Variants in CFAP92 observed in about 807,000 individuals in gnomAD.
CFAP92 encodes uncharacterized protein CFAP92.
A neutral mutation model predicts 106.3 loss-of-function variants in CFAP92; 86 were observed. The ratio of observed to expected loss-of-function variants is 0.81; its 90% CI spans 0.68 to 0.97. The LOEUF (loss-of-function observed/expected upper bound fraction) is 0.97. Among genes scored for constraint, CFAP92 ranks in the 50% least tolerant of loss-of-function variants. CFAP92 has a pLI of 0.00. For missense variants in CFAP92, 1,204 were observed against 1,283.8 expected (o/e 0.94, Z 0.95); for synonymous variants, 477 against 506.4 (o/e 0.94, Z 0.78).
At chr3:128,956,544 CAAAG>C (rs931057423) in intron 9 of CFAP92, among the ~76,000 whole-genome samples, 7 of 151,672 alleles carry the variant, frequency 4.6e-5, no homozygotes, top group Admixed American at 6.6e-5. Context: ...AAATTAATGA[CAAAG>C]AAAGAAAATC....
the CFAP92 span, among the ~76,000 whole-genome samples, chr3:129,026,084 C>T: frequency 6.6e-6 from 1 of 152,246 alleles, no homozygotes; most frequent in Non-Finnish European, 1.5e-5. Context: ...AATGACCTTA[C>T]CTGTTATAGG....
intron 4 of CFAP92, among the ~76,000 whole-genome samples, chr3:128,982,147 A>G (rs1943575895): frequency 1.3e-5 from 2 of 152,258 alleles, no homozygotes; most frequent in African/African-American, 4.8e-5. Flanking sequence ...AGCTTCTTCC[A>G]GTAGAAGGCT....
intron 9 of CFAP92, among the ~76,000 whole-genome samples, chr3:128,960,411 C>G (rs1232548412): frequency 1.3e-5 from 2 of 152,252 alleles, no homozygotes; most frequent in Non-Finnish European, 2.9e-5. Flanking sequence ...TAAGCGGCCT[C>G]TTTTGACTCT....
intron 12 of CFAP92, among the ~76,000 whole-genome samples, chr3:128,928,673 G>T (rs975653236): frequency 2.0e-5 from 3 of 152,214 alleles, no homozygotes; most frequent in African/African-American, 4.8e-5. Flanking sequence ...AGATCTAAAT[G>T]TGAGAGCTAA....
At chr3:128,999,637 C>A (rs909997145) in intron 1 of CFAP92, among the ~76,000 whole-genome samples, 4 of 143,516 alleles carry the variant, frequency 2.8e-5, no homozygotes, top group Non-Finnish European at 6.0e-5. Context: ...CTCCCAGGTT[C>A]AAGCGATTCA....
intron 4 of CFAP92, among the ~76,000 whole-genome samples, chr3:128,982,737 A>G (rs996147628): frequency 1.3e-5 from 2 of 152,050 alleles, no homozygotes; most frequent in African/African-American, 4.8e-5. Context: ...TTATTAATTG[A>G]CCTAATTTTG....
At chr3:128,961,573 A>G (rs1158373459) in intron 9 of CFAP92, among the ~76,000 whole-genome samples, 1 of 152,192 alleles carries the variant, frequency 6.6e-6, no homozygotes, top group Admixed American at 6.5e-5. Context: ...AGCTGAAGGC[A>G]TAGTCAAGGT....
At chr3:129,001,915 C>A (rs1490090860) in intron 1 of CFAP92, 1 of 1,538,902 alleles carries the variant, frequency 6.5e-7, no homozygotes, top group Non-Finnish European at 8.8e-7. Flanking sequence ...GCCACCACGG[C>A]CGGGCAGGCA....
intron 10 of CFAP92, among the ~76,000 whole-genome samples, chr3:128,941,518 C>T (rs1939630608): frequency 6.6e-6 from 1 of 152,112 alleles, no homozygotes; most frequent in African/African-American, 2.4e-5. Flanking sequence ...ACTCTGTTGT[C>T]CAGATTGGAG....
At chr3:129,003,895 G>T (rs1418627671), upstream of CFAP92, 1 of 1,377,354 alleles carries the variant, frequency 7.3e-7, no homozygotes, top group South Asian at 1.6e-5. Flanking sequence ...CCCTGGCTGC[G>T]GCGGAGGCCC....
chr3:128,944,566 G>T (rs1940016836), intron 10 of CFAP92, among the ~76,000 whole-genome samples: 1 of 152,176 alleles, frequency 6.6e-6, no homozygotes, highest in Non-Finnish European at 1.5e-5. Flanking sequence ...GAAGGGAGAG[G>T]TGTCATGTCA....
intron 4 of CFAP92, among the ~76,000 whole-genome samples, chr3:128,978,587 G>A (rs1224073245): frequency 1.3e-5 from 2 of 152,122 alleles, no homozygotes; most frequent in Admixed American, 6.6e-5. Context: ...ATAGAGACTC[G>A]TACTGGTACC....
chr3:128,975,717 T>A, intron 7 of CFAP92, 62 bp downstream of exon 7: 1 of 1,306,478 alleles, frequency 7.7e-7, no homozygotes, highest in South Asian at 1.4e-5. Flanking sequence ...GAATTTAAAA[T>A]ATTTCATAAT....
intron 1 of CFAP92, chr3:129,001,637 G>T (rs748862254): frequency 7.3e-7 from 1 of 1,374,998 alleles, no homozygotes; most frequent in Non-Finnish European, 9.4e-7. Context: ...CGATGGAGCC[G>T]GTCAGCACGG....
chr3:128,942,760 C>T (rs1349170548), intron 10 of CFAP92, among the ~76,000 whole-genome samples: 1 of 151,684 alleles, frequency 6.6e-6, no homozygotes, highest in Admixed American at 6.6e-5. Context: ...CTGCAACCTC[C>T]GCCCACGGGT....
At chr3:129,022,943 A>T in the CFAP92 span, among the ~76,000 whole-genome samples, 4 of 152,182 alleles carry the variant, frequency 2.6e-5, no homozygotes, top group Non-Finnish European at 4.4e-5. Context: ...GGAGCTGAGA[A>T]GTCTCCAACT....
chr3:128,937,482 T>C (rs1464847001), intron 10 of CFAP92, among the ~76,000 whole-genome samples: 3 of 151,806 alleles, frequency 2.0e-5, no homozygotes, highest in East Asian at 1.9e-4. Flanking sequence ...TGCCTGTAGT[T>C]CCAGCTACTT....
At chr3:129,004,522 C>T (rs371300017), upstream of CFAP92, among the ~76,000 whole-genome samples, 162 of 137,328 alleles carry the variant, frequency 1.2e-3, no homozygotes, top group African/African-American at 4.1e-3. Flanking sequence ...CATCCATCAT[C>T]CATCCATCCC....
chr3:128,976,890 G>T (rs917056489), intron 6 of CFAP92, 89 bp downstream of exon 6: 6 of 1,020,070 alleles, frequency 5.9e-6, no homozygotes, highest in Admixed American at 1.9e-5. Context: ...AGTTTAACTG[G>T]ATTTACTAAA....
Sources: gnomAD v4.1 joint callset for allele counts (sites outside exome capture counted in the v4.1 genomes callset) on GRCh38, gnomAD v4.1.1 for gene constraint, MANE v1.5 for transcripts, NCBI Gene and HGNC (gene_info 2026-07-23, HGNC 2026-07-21) for gene names.